PARD3B: variants seen among roughly 807,000 people sequenced by gnomAD.
The protein encoded by PARD3B is par-3 family cell polarity regulator beta.
PARD3B carries 103 observed loss-of-function variants against 130.2 expected under a neutral mutation model. The ratio of observed to expected loss-of-function variants is 0.79; its 90% CI spans 0.67 to 0.93. The LOEUF is 0.93. PARD3B is among the 40% of genes least tolerant of loss of function. The probability of loss-of-function intolerance (pLI) is 0.00; values close to 1 mark genes in which losing one functional copy is unlikely to be tolerated. For synonymous variants in PARD3B, 583 were observed against 553.2 expected, an observed-to-expected ratio of 1.05 and a Z score of -0.76; for missense variants, 1,609 against 1,499.2, an observed-to-expected ratio of 1.07 and a Z score of -1.21.
At chr2:205,306,597 C>T (rs2105920324) in intron 18 of PARD3B, among the ~76,000 whole-genome samples, 1 of 152,244 alleles carries the variant, frequency 6.6e-6, no homozygotes, top group African/African-American at 2.4e-5. Context: ...CCCATATATT[C>T]TGTATTTTCA....
rs1017377043 is a variant in PARD3B, at chr2:205,591,773, G to T, written c.3261-23683G>T. On this transcript the variant is annotated intron_variant, in intron 22 of 22. Transcript: ENST00000406610. This position sits in a 1 kb window ranked among gnomAD's most constrained non-coding sequence, Gnocchi z 4.2. ...CAGTCAGATGAGATAAAAAGAGAAGGTCTGGTGGTTCAGGTCACTGAAGAA... is the reference window on the plus strand; with the variant it reads ...CAGTCAGATGAGATAAAAAGAGAAGTTCTGGTGGTTCAGGTCACTGAAGAA... Among the ~76,000 whole-genome samples the T allele has an allele frequency of 1.3e-5, 2 of 152,184 alleles. No individual in the cohort carries two copies. Among genetic ancestry groups the T allele is most frequent in the African/African-American group, 2.4e-5 (1 of 41,444 alleles).
At chr2:205,433,651 CAGAACATTTCT>C (rs755789627) in intron 19 of PARD3B, among the ~76,000 whole-genome samples, 2 of 151,638 alleles carry the variant, frequency 1.3e-5, no homozygotes, top group Non-Finnish European at 2.9e-5. Flanking sequence ...TGTCAAATTA[CAGAACATTTCT>C]AGCACCCATG....
chr2:204,809,975 T>C (rs1238025449), intron 2 of PARD3B, among the ~76,000 whole-genome samples: 1 of 152,218 alleles, frequency 6.6e-6, no homozygotes, highest in Non-Finnish European at 1.5e-5. Context: ...GCTGTATTTC[T>C]AGGTATTGTA....
chr2:204,977,156 G>A (rs980995296), intron 3 of PARD3B, among the ~76,000 whole-genome samples: 1 of 152,088 alleles, frequency 6.6e-6, no homozygotes, highest in Non-Finnish European at 1.5e-5. Flanking sequence ...TACCACAAAG[G>A]TTTCAAATAA....
intron 20 of PARD3B, among the ~76,000 whole-genome samples, chr2:205,453,777 C>T (rs867130413): frequency 6.6e-6 from 1 of 152,110 alleles, no homozygotes; most frequent in Non-Finnish European, 1.5e-5. Flanking sequence ...ATTACATATA[C>T]TGTAAGTAAT....
Position 205,440,363 on chromosome 2 carries a change from T to A in PARD3B, c.2742-7T>A. On this transcript the variant is annotated splice_region_variant and splice_polypyrimidine_tract_variant and intron_variant, in intron 19 of 22. Transcript: ENST00000406610. This position sits in a 1 kb window ranked among gnomAD's most constrained non-coding sequence, Gnocchi z 4.2. ...TACATCTTTGCTACCTGTACTGTAT[T>A]TTTCAGGATTGGAGCAAAACATCAG... The A allele has an allele frequency of 1.2e-6, 2 of 1,613,068 alleles. No individual in the cohort carries two copies. Among genetic ancestry groups the A allele is most frequent in the Non-Finnish European group, 1.7e-6 (2 of 1,179,194 alleles).
Position 205,274,221 on chromosome 2 carries a change from A to G in PARD3B, c.2186-26309A>G, listed in dbSNP as rs947649177. Among the ~76,000 whole-genome samples, 2 of 152,110 alleles carry G rather than the reference A, an allele frequency of 1.3e-5. No individual in the cohort carries two copies. Among genetic ancestry groups the G allele is most frequent in the Admixed American group, 1.3e-4 (2 of 15,258 alleles). On this transcript the variant is annotated intron_variant, in intron 16 of 22. Coordinates refer to ENST00000406610, the MANE Select transcript of PARD3B (RefSeq NM_001302769.2). The surrounding 1 kb of genome is among the most constrained non-coding windows in gnomAD (Gnocchi z 4.2). ...CCTCTGAAGAGAATTTAGTACCTAT[A>G]TTCTTTCTACTCTTTATTTCTTTGT...
At chr2:205,316,923 A>G (rs753267172) in intron 18 of PARD3B, among the ~76,000 whole-genome samples, 1 of 152,172 alleles carries the variant, frequency 6.6e-6, no homozygotes, top group Non-Finnish European at 1.5e-5. Flanking sequence ...ATCGTCTTTT[A>G]TTCATCCAAC....
chr2:204,689,214 G>T lies in PARD3B; in HGVS notation c.222+2932G>T, dbSNP rs17638018. 0.046 allele frequency among the ~76,000 whole-genome samples: 6,974 copies of T among 152,226 alleles called. 447 individuals are homozygous for T. The highest frequency in any genetic ancestry group is 0.14 in the East Asian group (730 of 5,166). On this transcript the variant is annotated intron_variant, in intron 2 of 22. Coordinates refer to ENST00000406610, the MANE Select transcript of PARD3B (RefSeq NM_001302769.2). This position sits in a 1 kb window ranked among gnomAD's most constrained non-coding sequence, Gnocchi z 5.2. ...AACTTGTGCCTAAAGTGGTTTGTCTGTGGTCTTACTTCTATTATTCCTTTG... is the reference window on the plus strand; with the variant it reads ...AACTTGTGCCTAAAGTGGTTTGTCTTTGGTCTTACTTCTATTATTCCTTTG...
intron 10 of PARD3B, among the ~76,000 whole-genome samples, chr2:205,150,246 T>C (rs1378777431): frequency 4.7e-5 from 6 of 128,426 alleles, no homozygotes; most frequent in African/African-American, 8.5e-5. Context: ...TGTGTGTGTG[T>C]GTGTGTGCAC....
At chr2:205,009,143 C>T (rs1240284697) in intron 3 of PARD3B, among the ~76,000 whole-genome samples, 1 of 152,068 alleles carries the variant, frequency 6.6e-6, no homozygotes, top group Non-Finnish European at 1.5e-5. Flanking sequence ...TGCTTTGTAA[C>T]TTTTTAAGGA....
At chr2:204,955,556 CA>C (rs1690166545) in intron 2 of PARD3B, among the ~76,000 whole-genome samples, 1 of 152,174 alleles carries the variant, frequency 6.6e-6, no homozygotes, top group South Asian at 2.1e-4. Context: ...AAATGTAGAT[CA>C]TTCATTTACC....
chr2:205,360,180 G>T (rs11676518), intron 18 of PARD3B, among the ~76,000 whole-genome samples: 2 of 151,640 alleles, frequency 1.3e-5, no homozygotes, highest in Admixed American at 1.3e-4. Context: ...GTTTTATATG[G>T]TTGTTAATTC....
chr2:205,129,605 C>T (rs571710132), intron 10 of PARD3B, among the ~76,000 whole-genome samples: 3 of 151,720 alleles, frequency 2.0e-5, no homozygotes, highest in South Asian at 2.1e-4. Flanking sequence ...TTGAGGAAAA[C>T]AAACTGTGTT....
intron 1 of PARD3B, among the ~76,000 whole-genome samples, chr2:204,683,006 C>T (rs1477069943): frequency 6.6e-6 from 1 of 152,164 alleles, no homozygotes; most frequent in Non-Finnish European, 1.5e-5. Context: ...TTAAAAATAA[C>T]TCTTCTTCCT....
intron 1 of PARD3B, among the ~76,000 whole-genome samples, chr2:204,619,944 A>G (rs993185215): frequency 6.6e-6 from 1 of 152,148 alleles, no homozygotes; most frequent in Non-Finnish European, 1.5e-5. Flanking sequence ...ACAAAGCTCC[A>G]TCTCCACATA....
chr2:204,926,530 C>T (rs1687630782), intron 2 of PARD3B, among the ~76,000 whole-genome samples: 2 of 152,094 alleles, frequency 1.3e-5, no homozygotes, highest in African/African-American at 4.8e-5. Context: ...AAGGGGACTA[C>T]ACAGCTAGAA....
rs2041974356 is a variant in PARD3B at position 205,300,929 on chromosome 2, T to C, written c.2392+193T>C. Among the ~76,000 whole-genome samples, 1 of 152,248 alleles carries C rather than the reference T, an allele frequency of 6.6e-6. No homozygotes were observed. The highest frequency in any genetic ancestry group is 1.5e-5 in the Non-Finnish European group (1 of 68,050). Reference sequence around the variant, plus strand: ...GAACATGGAATTGGAGAACACAATATGCAATTTATTTTACAGTGCAAGGCT... The same window carrying C: ...GAACATGGAATTGGAGAACACAATACGCAATTTATTTTACAGTGCAAGGCT... On this transcript the variant is annotated intron_variant, in intron 17 of 22. Coordinates refer to ENST00000406610, the MANE Select transcript of PARD3B (RefSeq NM_001302769.2). The surrounding 1 kb of genome is among the most constrained non-coding windows in gnomAD (Gnocchi z 4.1).
At position 204,610,347 on chromosome 2, in the gene PARD3B, A is replaced by G. The variant is rs529398326; in HGVS notation, c.120+64228A>G. 3.9e-5 allele frequency among the ~76,000 whole-genome samples: 6 copies of G among 152,296 alleles called. No individual in the cohort carries two copies. The highest frequency in any genetic ancestry group is 3.4e-3 in the Middle Eastern group (1 of 294). On this transcript the variant is annotated intron_variant, in intron 1 of 22. Coordinates refer to ENST00000406610, the MANE Select transcript of PARD3B (RefSeq NM_001302769.2). The surrounding 1 kb of genome is among the most constrained non-coding windows in gnomAD (Gnocchi z 4.1). Reference sequence around the variant, plus strand: ...ATTTGTTAAGTAGTCTATCGGCATTATTCTGACTTATTGTTCCCTTGTCCT... The same window carrying G: ...ATTTGTTAAGTAGTCTATCGGCATTGTTCTGACTTATTGTTCCCTTGTCCT...
Sources: allele counts gnomAD v4.1 joint callset (sites outside exome capture counted in the v4.1 genomes callset), GRCh38; gene constraint gnomAD v4.1.1; non-coding constraint Gnocchi (gnomAD v3.1); transcripts MANE v1.5; gene names NCBI Gene and HGNC (gene_info 2026-07-23, HGNC 2026-07-21).